Variants in PLXDC2 observed in about 807,000 individuals in gnomAD.
PLXDC2 encodes the protein plexin domain containing 2.
A neutral mutation model predicts 68.9 loss-of-function variants in PLXDC2; 40 were observed. The observed-to-expected ratio is 0.58, with a 90% CI of 0.45 to 0.76. The LOEUF is 0.76. Among genes scored for constraint, PLXDC2 ranks in the 30% least tolerant of loss-of-function variants. The pLI, the probability that PLXDC2 is intolerant of heterozygous loss-of-function variation, is 0.00. For synonymous variants in PLXDC2, 243 were observed against 234.2 expected (o/e 1.04, Z -0.34); for missense variants, 644 against 661.9 (o/e 0.97, Z 0.30).
intron 2 of PLXDC2, among the ~76,000 whole-genome samples, chr10:20,015,235 T>C (rs1835190710): frequency 1.3e-5 from 2 of 152,222 alleles, no homozygotes; most frequent in African/African-American, 2.4e-5. Flanking sequence ...ACTCAAGAAC[T>C]TGGCATTGCC....
chr10:19,923,663 A>G (rs1387963817), intron 1 of PLXDC2, among the ~76,000 whole-genome samples: 1 of 152,236 alleles, frequency 6.6e-6, no homozygotes, highest in Admixed American at 6.5e-5. Flanking sequence ...ATTTCATGTG[A>G]AAAGATTGAT....
intron 9 of PLXDC2, among the ~76,000 whole-genome samples, chr10:20,195,276 T>C (rs1421439605): frequency 6.6e-6 from 1 of 152,124 alleles, no homozygotes; most frequent in African/African-American, 2.4e-5. Flanking sequence ...CCTTGAACTC[T>C]GGACAGAGCT....
intron 4 of PLXDC2, among the ~76,000 whole-genome samples, chr10:20,096,862 G>A (rs1833355800): frequency 6.6e-6 from 1 of 152,016 alleles, no homozygotes; most frequent in Non-Finnish European, 1.5e-5. Flanking sequence ...ATTATTATAA[G>A]TATTGAGCAA....
intron 9 of PLXDC2, among the ~76,000 whole-genome samples, chr10:20,186,527 C>CTAA: frequency 6.6e-6 from 1 of 151,824 alleles, no homozygotes; most frequent in Non-Finnish European, 1.5e-5. Flanking sequence ...ACTAAGCCTA[C>CTAA]CAACCAATAG....
chr10:19,935,604 C>G (rs1833710375), intron 1 of PLXDC2, among the ~76,000 whole-genome samples: 1 of 152,178 alleles, frequency 6.6e-6, no homozygotes, highest in South Asian at 2.1e-4. Context: ...CAAAGAGATG[C>G]TTGGCTCAGC....
At chr10:20,179,228 T>A (rs1475005556) in intron 9 of PLXDC2, among the ~76,000 whole-genome samples, 1 of 152,112 alleles carries the variant, frequency 6.6e-6, no homozygotes, top group African/African-American at 2.4e-5. Flanking sequence ...TTTCTTTGCA[T>A]CCTGGGCAAG....
chr10:19,839,714 G>A (rs1836868532), intron 1 of PLXDC2, among the ~76,000 whole-genome samples: 1 of 151,470 alleles, frequency 6.6e-6, no homozygotes, highest in Non-Finnish European at 1.5e-5. Context: ...AATGGTAACT[G>A]TTACTTTTTT....
chr10:20,259,888 G>A (rs1437217990), intron 13 of PLXDC2, among the ~76,000 whole-genome samples: 4 of 152,108 alleles, frequency 2.6e-5, no homozygotes. Context: ...AAAATCCTGG[G>A]AGTAAAATGA....
At chr10:20,046,098 G>A (rs1835792863) in intron 2 of PLXDC2, among the ~76,000 whole-genome samples, 1 of 152,082 alleles carries the variant, frequency 6.6e-6, no homozygotes, top group Admixed American at 6.6e-5. Flanking sequence ...GCTGAAAGCA[G>A]GCCCTGATAT....
chr10:20,106,018 T>C (rs960762599), intron 4 of PLXDC2, among the ~76,000 whole-genome samples: 7 of 152,210 alleles, frequency 4.6e-5, no homozygotes, highest in African/African-American at 1.7e-4. Context: ...TTATTTTGTA[T>C]CAGACATTAA....
chr10:19,976,986 T>A (rs1393831998), intron 1 of PLXDC2, among the ~76,000 whole-genome samples: 1 of 152,188 alleles, frequency 6.6e-6, no homozygotes, highest in Non-Finnish European at 1.5e-5. Context: ...CTGTTCTTAT[T>A]TCATGAATGA....
In PLXDC2 at chr10:19,897,827, A is replaced by T. The variant is rs141252165; in HGVS notation, c.112+80636A>T. On this transcript the variant is annotated intron_variant, in intron 1 of 13. Coordinates refer to ENST00000377252, the MANE Select transcript of PLXDC2 (RefSeq NM_032812.9). ...CTAATTTGAGAATATGTGGGATTAT[A>T]TATGATAATTTTCAGATGTAATAAC... Among the ~76,000 whole-genome samples, 1,256 of 152,276 alleles carry T rather than the reference A, an allele frequency of 8.2e-3. 18 individuals are homozygous for T. The highest frequency in any genetic ancestry group is 0.029 in the African/African-American group (1,193 of 41,546).
intron 1 of PLXDC2, among the ~76,000 whole-genome samples, chr10:19,876,495 A>C (rs1178080052): frequency 6.6e-6 from 1 of 151,000 alleles, no homozygotes; most frequent in Non-Finnish European, 1.5e-5. Context: ...CCAGCTACTC[A>C]GGAGGCTGAG....
At position 20,203,020 on chromosome 10, in the gene PLXDC2, G is replaced by A. The variant is rs76456124; in HGVS notation, c.1062-8649G>A. ...ATCATCAGTGGCTTTTAATCAGAAC[G>A]ATTTCTGAGAAGATTCACCTATTTC... On this transcript the variant is annotated intron_variant, in intron 9 of 13. Transcript: ENST00000377252. Among the ~76,000 whole-genome samples the A allele has an allele frequency of 8.0e-3, 1,218 of 152,132 alleles. 23 individuals are homozygous for A. Among genetic ancestry groups the A allele is most frequent in the African/African-American group, 0.028 (1,158 of 41,536 alleles).
intron 12 of PLXDC2, among the ~76,000 whole-genome samples, chr10:20,230,980 G>A (rs1835357416): frequency 7.3e-5 from 11 of 150,648 alleles, no homozygotes; most frequent in Admixed American, 7.3e-4. Context: ...ACGAGAAGCA[G>A]TAACAATATA....
At chr10:20,110,272 C>A (rs754547874) in intron 4 of PLXDC2, among the ~76,000 whole-genome samples, 1 of 152,026 alleles carries the variant, frequency 6.6e-6, no homozygotes, top group African/African-American at 2.4e-5. Flanking sequence ...GAATAGAAGG[C>A]CTGCCCTTGC....
intron 13 of PLXDC2, among the ~76,000 whole-genome samples, chr10:20,262,643 G>A (rs138086989): frequency 1.6e-4 from 25 of 152,296 alleles, no homozygotes; most frequent in African/African-American, 5.3e-4. Context: ...AGCGGGTACC[G>A]AATCCCGTAC....
chr10:20,247,987 A>G (rs1835623276), intron 13 of PLXDC2, among the ~76,000 whole-genome samples: 1 of 152,200 alleles, frequency 6.6e-6, no homozygotes, highest in South Asian at 2.1e-4. Context: ...CAACCTTCTC[A>G]AAGTTACAAA....
rs189350853 is a variant in PLXDC2 at position 20,133,878 on chromosome 10, G to A, written c.542-9417G>A. On this transcript the variant is annotated intron_variant, in intron 4 of 13. Transcript: ENST00000377252. ...TAATGATGTCTCATAATTCCTGTAG[G>A]CTTTCTTTACTCTTTTAAAAATTCT... Among the ~76,000 whole-genome samples, 466 of 152,086 alleles carry A rather than the reference G, an allele frequency of 3.1e-3. 4 individuals are homozygous for A. The highest frequency in any genetic ancestry group is 0.01 in the African/African-American group (428 of 41,492).
Sources: gnomAD v4.1 joint callset for allele counts (sites outside exome capture counted in the v4.1 genomes callset) on GRCh38, gnomAD v4.1.1 for gene constraint, MANE v1.5 for transcripts, NCBI Gene and HGNC (gene_info 2026-07-23, HGNC 2026-07-21) for gene names.